The following LIPC variants were observed in gnomAD, a reference collection of about 807,000 sequenced individuals.
LIPC encodes the protein hepatic triacylglycerol lipase.
LIPC carries 44 observed loss-of-function variants against 50.7 expected under a neutral mutation model. That is an observed-to-expected ratio of 0.87 (90% CI 0.68 to 1.11). LIPC has a LOEUF of 1.11. Among genes scored for constraint, LIPC ranks in the 50% most tolerant of loss-of-function variants. The probability of loss-of-function intolerance (pLI) is 0.00; values close to 1 mark genes in which losing one functional copy is unlikely to be tolerated. For missense variants in LIPC, 697 were observed against 648.2 expected (o/e 1.08, Z -0.82); for synonymous variants, 271 against 256.4 (o/e 1.06, Z -0.54).
intron 1 of LIPC, among the ~76,000 whole-genome samples, chr15:58,504,541 G>T (rs1291996848): frequency 2.0e-5 from 3 of 152,012 alleles, no homozygotes; most frequent in Admixed American, 1.3e-4. Context: ...GCAGAGGGTG[G>T]CTTGAGAACT....
At chr15:58,568,433 T>C (rs1473954299) in intron 8 of LIPC, among the ~76,000 whole-genome samples, 1 of 152,242 alleles carries the variant, frequency 6.6e-6, no homozygotes. Flanking sequence ...TTCGATGAGC[T>C]GTCATAGGGG....
chr15:58,562,899 G>A (rs2140954975), intron 7 of LIPC, among the ~76,000 whole-genome samples: 1 of 149,862 alleles, frequency 6.7e-6, no homozygotes, highest in African/African-American at 2.5e-5. Context: ...GTTCTCAATA[G>A]TGGAAAGGGC....
chr15:58,451,436 C>A (rs761406172), intron 1 of LIPC, among the ~76,000 whole-genome samples: 2 of 152,218 alleles, frequency 1.3e-5, no homozygotes, highest in East Asian at 1.9e-4. Flanking sequence ...TCGCTCCCCA[C>A]CCCCTTCTCC....
At chr15:58,501,938 T>C (rs1891998959) in intron 1 of LIPC, among the ~76,000 whole-genome samples, 1 of 152,062 alleles carries the variant, frequency 6.6e-6, no homozygotes, top group South Asian at 2.1e-4. Flanking sequence ...GTTATGTCTC[T>C]TGATGTTAGG....
At chr15:58,529,020 G>A (rs878959141) in intron 1 of LIPC, among the ~76,000 whole-genome samples, 12 of 152,222 alleles carry the variant, frequency 7.9e-5, no homozygotes, top group African/African-American at 2.6e-4. Context: ...CTGTGATGTC[G>A]AAGGTCCTCT....
At chr15:58,495,128 T>A (rs1331422847) in intron 1 of LIPC, among the ~76,000 whole-genome samples, 1 of 152,136 alleles carries the variant, frequency 6.6e-6, no homozygotes, top group Non-Finnish European at 1.5e-5. Flanking sequence ...ACAGAGCTGG[T>A]CAAGCAAGAA....
chr15:58,438,338 C>A (rs745771890), intron 1 of LIPC, among the ~76,000 whole-genome samples: 3 of 152,138 alleles, frequency 2.0e-5, no homozygotes, highest in Non-Finnish European at 4.4e-5. Flanking sequence ...CTGACAGCCA[C>A]GGGCTCCACG....
chr15:58,463,051 G>A (rs1461742028), intron 1 of LIPC, among the ~76,000 whole-genome samples: 4 of 152,192 alleles, frequency 2.6e-5, no homozygotes, highest in African/African-American at 9.7e-5. Flanking sequence ...CTCTCCCAGC[G>A]TGGACTGCCC....
At chr15:58,546,124 G>A in intron 5 of LIPC, 149 bp downstream of exon 5, 1 of 754,544 alleles carries the variant, frequency 1.3e-6, no homozygotes, top group South Asian at 1.6e-5. Flanking sequence ...CACCCAGAGA[G>A]AAGGAATGCT....
At chr15:58,504,217 G>A (rs1376635267) in intron 1 of LIPC, among the ~76,000 whole-genome samples, 3 of 152,188 alleles carry the variant, frequency 2.0e-5, no homozygotes, top group Non-Finnish European at 4.4e-5. Context: ...CCTCTTGATG[G>A]TGGGGTCATT....
intron 1 of LIPC, among the ~76,000 whole-genome samples, chr15:58,464,839 G>T (rs1198429927): frequency 6.6e-6 from 1 of 152,168 alleles, no homozygotes; most frequent in Non-Finnish European, 1.5e-5. Flanking sequence ...TGGGTGTGGT[G>T]GTGTGCACCT....
chr15:58,432,984 GC>G (rs1893175173), intron 1 of LIPC, among the ~76,000 whole-genome samples: 1 of 152,156 alleles, frequency 6.6e-6, no homozygotes, highest in South Asian at 2.1e-4. Flanking sequence ...AATTTCAGAA[GC>G]TTTTTTCCCC....
chr15:58,532,841 A>G (rs1473719614), intron 1 of LIPC, among the ~76,000 whole-genome samples: 1 of 152,218 alleles, frequency 6.6e-6, no homozygotes, highest in Non-Finnish European at 1.5e-5. Context: ...TTCTTCTTGT[A>G]TGAAATATCA....
At chr15:58,436,847 G>A (rs2140628951) in intron 1 of LIPC, 2 of 456,270 alleles carry the variant, frequency 4.4e-6, no homozygotes, top group Middle Eastern at 6.5e-4. Context: ...TTGTACAATA[G>A]CAGAGGTACA....
At chr15:58,471,321 G>C (rs1328491281) in intron 1 of LIPC, among the ~76,000 whole-genome samples, 1 of 22,212 alleles carries the variant, frequency 4.5e-5, no homozygotes, top group Non-Finnish European at 1.5e-4. Context: ...TGTATTTTTA[G>C]TAGAGATGGG....
intron 1 of LIPC, among the ~76,000 whole-genome samples, chr15:58,508,867 T>G (rs1302201130): frequency 6.6e-6 from 1 of 152,132 alleles, no homozygotes; most frequent in Admixed American, 6.5e-5. Context: ...TTTTTTAATT[T>G]TTTAGTATTC....
chr15:58,524,431 A>G (rs2140880730), intron 1 of LIPC, among the ~76,000 whole-genome samples: 1 of 152,380 alleles, frequency 6.6e-6, no homozygotes, highest in Non-Finnish European at 1.5e-5. Flanking sequence ...GTAAGTGTGC[A>G]GATATAGCCA....
chr15:58,560,131 T>C (rs1566951924), intron 6 of LIPC, among the ~76,000 whole-genome samples: 1 of 152,252 alleles, frequency 6.6e-6, no homozygotes, highest in African/African-American at 2.4e-5. Flanking sequence ...TAACAACGCC[T>C]GTCTAATAGT....
At chr15:58,505,474 A>T (rs1484946041) in intron 1 of LIPC, among the ~76,000 whole-genome samples, 2 of 152,192 alleles carry the variant, frequency 1.3e-5, no homozygotes, top group Non-Finnish European at 2.9e-5. Flanking sequence ...TGCTGTTGGT[A>T]TTGGTGGTGG....
Sources: allele counts gnomAD v4.1 joint callset (sites outside exome capture counted in the v4.1 genomes callset), GRCh38; gene constraint gnomAD v4.1.1; transcripts MANE v1.5; gene names NCBI Gene and HGNC (gene_info 2026-07-23, HGNC 2026-07-21).